The following TTC28 variants were observed in gnomAD, a reference collection of about 807,000 sequenced individuals.
The protein encoded by TTC28 is tetratricopeptide repeat protein 28.
In TTC28, 61 loss-of-function variants were observed where a neutral mutation model predicts 198.0. The observed-to-expected ratio is 0.31, with a 90% CI of 0.25 to 0.38. TTC28 has a LOEUF of 0.38. Ranked by LOEUF, TTC28 falls within the 10% of genes least tolerant of loss-of-function variation. TTC28 has a pLI of 1.00. For missense variants in TTC28, 2,678 were observed against 3,164.0 expected (o/e 0.85, Z 3.69); for synonymous variants, 1,171 against 1,297.8 (o/e 0.90, Z 2.10).
intron 14 of TTC28, among the ~76,000 whole-genome samples, chr22:28,004,152 G>A (rs1042235843): frequency 6.6e-6 from 1 of 152,362 alleles, no homozygotes; most frequent in African/African-American, 2.4e-5. Flanking sequence ...GGGTCCGTGA[G>A]GGTTGGGGAA....
At chr22:28,218,331 C>G (rs960032057) in intron 5 of TTC28, among the ~76,000 whole-genome samples, 4 of 152,158 alleles carry the variant, frequency 2.6e-5, no homozygotes, top group Middle Eastern at 3.4e-3. Flanking sequence ...AAAAACTCAC[C>G]ACCACTTCAT....
At chr22:28,305,785 A>G (rs2045132795) in intron 3 of TTC28, among the ~76,000 whole-genome samples, 1 of 152,162 alleles carries the variant, frequency 6.6e-6, no homozygotes, top group Non-Finnish European at 1.5e-5. Flanking sequence ...AATCTTCCCA[A>G]GAATTCATTC....
rs576459633 is a variant in TTC28 at position 28,296,023 on chromosome 22, G to A, written c.933+175C>T. ...TTCTATATATCCAAGGACTATGCTT[G>A]GATATATAGAACACTCAATTGTTGA... On this transcript the variant is annotated intron_variant, in intron 5 of 22. Transcript: ENST00000397906. Among the ~76,000 whole-genome samples, 4 of 152,114 alleles carry A rather than the reference G, an allele frequency of 2.6e-5. No homozygotes were observed. The South Asian group carries it at 8.3e-4, about 32-fold the overall frequency.
chr22:28,513,213 A>G (rs562897188), intron 2 of TTC28, among the ~76,000 whole-genome samples: 4 of 152,110 alleles, frequency 2.6e-5, no homozygotes, highest in African/African-American at 7.2e-5. Flanking sequence ...TGAATTTTTA[A>G]TGAACAGTCT....
rs1940042539 is a variant in TTC28 at position 28,050,382 on chromosome 22, A to G, written c.3933-20016T>C. Among the ~76,000 whole-genome samples, 4 of 152,166 alleles carry G rather than the reference A, an allele frequency of 2.6e-5. No individual in the cohort carries two copies. The South Asian group carries it at 8.3e-4, about 31-fold the overall frequency. On this transcript the variant is annotated intron_variant, in intron 12 of 22. Coordinates refer to ENST00000397906, the MANE Select transcript of TTC28 (RefSeq NM_001145418.2). The stretch of plus-strand genomic sequence containing the variant: ...TCCCATATGCTATGCATTCTTTTAA[A>G]TTTCATTTGATTCTGTGTTCTTGTA...
At chr22:28,558,683 T>G (rs1201817188) in intron 2 of TTC28, among the ~76,000 whole-genome samples, 1 of 133,556 alleles carries the variant, frequency 7.5e-6, no homozygotes, top group African/African-American at 2.8e-5. Flanking sequence ...CTCAAAAAAA[T>G]AAAAAAGAAA....
At chr22:28,676,146 T>C (rs1196123438) in intron 1 of TTC28, among the ~76,000 whole-genome samples, 1 of 152,140 alleles carries the variant, frequency 6.6e-6, no homozygotes, top group Non-Finnish European at 1.5e-5. Flanking sequence ...TGATAAAATA[T>C]GGTATATCCA....
chr22:28,552,819 G>C (rs2049703875), intron 2 of TTC28, among the ~76,000 whole-genome samples: 1 of 141,208 alleles, frequency 7.1e-6, no homozygotes, highest in East Asian at 2.1e-4. Context: ...TCTTTCCACG[G>C]TCTCCCTCTG....
At chr22:28,095,573 T>C (rs936582285) in intron 11 of TTC28, among the ~76,000 whole-genome samples, 5 of 152,196 alleles carry the variant, frequency 3.3e-5, no homozygotes, top group Non-Finnish European at 7.3e-5. Flanking sequence ...CCATCAGCAT[T>C]TTATTATGCA....
At chr22:28,305,154 C>A (rs2045115169) in intron 3 of TTC28, among the ~76,000 whole-genome samples, 1 of 151,956 alleles carries the variant, frequency 6.6e-6, no homozygotes, top group African/African-American at 2.4e-5. Flanking sequence ...CCACACCCAG[C>A]TAATTTTTTG....
At chr22:28,507,735 G>T (rs8139793) in intron 2 of TTC28, among the ~76,000 whole-genome samples, 2,634 of 152,296 alleles carry the variant, frequency 0.017, 74 homozygotes, top group African/African-American at 0.061. Context: ...TAAGCCAGAA[G>T]AGAGTGGGGG....
chr22:28,585,924 T>C lies in TTC28; in HGVS notation c.381+43628A>G, dbSNP rs539367070. On this transcript the variant is annotated intron_variant, in intron 2 of 22. Transcript: ENST00000397906. ...CAAACCACCATGCCCCATGTATACC[T>C]ATGTAACAAACCTGCAAGTTCTGCA... is the stretch of plus-strand genomic sequence containing the variant. Among the ~76,000 whole-genome samples the C allele has an allele frequency of 1.4e-4, 21 of 151,838 alleles. No homozygotes were observed. In the East Asian group the frequency reaches 2.3e-3, roughly 17 times the overall value.
chr22:28,308,683 G>C (rs1480642557), intron 2 of TTC28, among the ~76,000 whole-genome samples: 1 of 152,134 alleles, frequency 6.6e-6, no homozygotes, highest in Admixed American at 6.6e-5. Context: ...TGCATGTTTT[G>C]TTTTCTTAGA....
At chr22:28,513,963 TA>T (rs2048734665) in intron 2 of TTC28, among the ~76,000 whole-genome samples, 2 of 152,136 alleles carry the variant, frequency 1.3e-5, no homozygotes, top group Admixed American at 6.5e-5. Context: ...CATACTGTTA[TA>T]ACAGGCAGTC....
At chr22:28,032,123 T>G (rs1939110386) in intron 12 of TTC28, among the ~76,000 whole-genome samples, 1 of 145,742 alleles carries the variant, frequency 6.9e-6, no homozygotes, top group Admixed American at 7.0e-5. Context: ...TAAAAATAAA[T>G]AAATAAATAT....
intron 2 of TTC28, among the ~76,000 whole-genome samples, chr22:28,337,477 G>C (rs1283918890): frequency 6.6e-6 from 1 of 152,156 alleles, no homozygotes; most frequent in Non-Finnish European, 1.5e-5. Flanking sequence ...GGGGGTCTAA[G>C]TCTCTTTGTA....
At position 28,088,370 on chromosome 22, in the gene TTC28, CTATCTGATCTT is replaced by C. The variant is rs200186574; in HGVS notation, c.3932+5699_3932+5709del. Among the ~76,000 whole-genome samples the C allele has an allele frequency of 2.3e-3, 356 of 152,266 alleles. 6 individuals carry two copies. In the East Asian group the frequency reaches 0.057, roughly 25 times the overall value. On this transcript the variant is annotated intron_variant, in intron 12 of 22. Coordinates refer to ENST00000397906, the MANE Select transcript of TTC28 (RefSeq NM_001145418.2). ...CAGAAATAACGCCGCATATCTACAA[CTATCTGATCTT>C]TGACAAACTTGACAAAAACAAGCAA...
At chr22:28,274,087 C>G (rs1932258792) in intron 5 of TTC28, among the ~76,000 whole-genome samples, 1 of 151,984 alleles carries the variant, frequency 6.6e-6, no homozygotes, top group Non-Finnish European at 1.5e-5. Context: ...GTATAAAGTT[C>G]AAAAATAGGA....
rs192034447 is a variant in TTC28 at position 28,211,002 on chromosome 22, C to T, written c.934-47403G>A. Among the ~76,000 whole-genome samples the T allele has an allele frequency of 2.4e-3, 362 of 152,002 alleles. 1 individual carries two copies. The highest frequency in any genetic ancestry group is 6.7e-3 in the African/African-American group (280 of 41,508). On this transcript the variant is annotated intron_variant, in intron 5 of 22. Coordinates refer to ENST00000397906, the MANE Select transcript of TTC28 (RefSeq NM_001145418.2). ...ATATTCAACATTCTTAAAAGAATTT[C>T]CAACCCAGAATTTCATATCCAGCCA...
Sources: allele counts gnomAD v4.1 joint callset (sites outside exome capture counted in the v4.1 genomes callset), GRCh38; gene constraint gnomAD v4.1.1; transcripts MANE v1.5; gene names NCBI Gene and HGNC (gene_info 2026-07-23, HGNC 2026-07-21).